Variants in VWA8 observed in about 807,000 individuals in gnomAD.
VWA8 encodes the protein von Willebrand factor A domain containing 8.
Under a neutral mutation model 241.5 loss-of-function variants are expected in VWA8, and 221 were observed. The ratio of observed to expected loss-of-function variants is 0.91; its 90% confidence interval spans 0.82 to 1.02. The LOEUF is 1.02. Ranked by LOEUF, VWA8 falls within the 50% of genes least tolerant of loss-of-function variation. VWA8 has a pLI of 0.00. For synonymous variants in VWA8, 852 were observed against 827.1 expected (o/e 1.03, Z -0.52); for missense variants, 2,322 against 2,328.7 (o/e 1.00, Z 0.06).
chr13:41,629,124 G>A (rs2044711432), intron 37 of VWA8, among the ~76,000 whole-genome samples: 1 of 152,114 alleles, frequency 6.6e-6, no homozygotes, highest in Non-Finnish European at 1.5e-5. Context: ...GTGGAGGTTA[G>A]GAGATGAAGA....
At chr13:41,779,673 G>A (rs770387887) in intron 19 of VWA8, among the ~76,000 whole-genome samples, 33 of 152,186 alleles carry the variant, frequency 2.2e-4, no homozygotes, top group Non-Finnish European at 3.5e-4. Flanking sequence ...TTTTCACTAA[G>A]ATGAAAAGTC....
Position 41,937,301 on chromosome 13 carries a change from A to G in VWA8, c.241+12635T>C, listed in dbSNP as rs1877394983. ...TTACATTGCAATATATAATTAAATAATTATACAACTCACCATAATGTAGAA... is the reference window on the plus strand; with the variant it reads ...TTACATTGCAATATATAATTAAATAGTTATACAACTCACCATAATGTAGAA... On this transcript the variant is annotated intron_variant, in intron 2 of 44. Coordinates refer to ENST00000379310, the MANE Select transcript of VWA8 (RefSeq NM_015058.2). Among the ~76,000 whole-genome samples, 5 of 152,204 alleles carry G rather than the reference A, an allele frequency of 3.3e-5. No homozygotes were observed. In the South Asian group the frequency reaches 1.0e-3, roughly 32 times the overall value.
In VWA8 at chr13:41,743,491, C is replaced by T. The variant is rs538217174; in HGVS notation, c.2427-11336G>A. On this transcript the variant is annotated intron_variant, in intron 21 of 44. Transcript: ENST00000379310. ...TAATGTGAAAGGTTGGCTATTACTT[C>T]GCTTACAGATCAAATCTGCATTGGG... 7.4e-4 allele frequency among the ~76,000 whole-genome samples: 113 copies of T among 152,286 alleles called. 2 individuals are homozygous for T. Among genetic ancestry groups the T allele is most frequent in the African/African-American group, 2.7e-3 (111 of 41,570 alleles).
At chr13:41,576,061 C>T (rs951915520) in intron 42 of VWA8, among the ~76,000 whole-genome samples, 1 of 152,164 alleles carries the variant, frequency 6.6e-6, no homozygotes. Flanking sequence ...CAAGTGCAAC[C>T]TTTTCACAGA....
chr13:41,865,599 G>A, intron 12 of VWA8, 137 bp downstream of exon 12: 1 of 868,820 alleles, frequency 1.2e-6, no homozygotes, highest in Non-Finnish European at 1.7e-6. Context: ...ACTTTAATTT[G>A]AATAATTTTA....
intron 10 of VWA8, among the ~76,000 whole-genome samples, chr13:41,868,078 A>G (rs1304137423): frequency 1.3e-5 from 2 of 152,214 alleles, no homozygotes; most frequent in African/African-American, 4.8e-5. Flanking sequence ...CCAAGGACTC[A>G]TAGCACAAAA....
intron 40 of VWA8, among the ~76,000 whole-genome samples, chr13:41,596,016 C>A (rs1339430517): frequency 6.6e-6 from 1 of 152,036 alleles, no homozygotes; most frequent in African/African-American, 2.4e-5. Context: ...ATTTTTTTAG[C>A]CATTCTTTTG....
chr13:41,764,877 T>A (rs1039500325), intron 20 of VWA8, among the ~76,000 whole-genome samples: 32 of 152,230 alleles, frequency 2.1e-4, no homozygotes, highest in Admixed American at 9.8e-4. Flanking sequence ...ACGATCAGAT[T>A]TTCAGTTTTA....
In VWA8 at chr13:41,885,926, T is replaced by C. The variant is rs1177660906; in HGVS notation, c.969A>G (p.Gln323=). The change falls in exon 8 of 45, where the codon CAA becomes CAG. Residue 323 remains glutamine (Q), a synonymous_variant. Transcript: ENST00000379310. The part of the protein sequence containing the change: ...FPLDSLAAAV[Q]ILDSFPMMPI... ...ATTAATTTATTTTACTTACCAAGAT[T>C]TGAACCGCAGCTGCTAAACTATCTA... 6.3e-7 allele frequency: 1 copy of C among 1,578,180 alleles called. No individual in the cohort carries two copies. The highest frequency in any genetic ancestry group is 8.6e-7 in the Non-Finnish European group (1 of 1,168,852).
intron 12 of VWA8, among the ~76,000 whole-genome samples, chr13:41,850,321 T>C (rs1872476272): frequency 6.6e-6 from 1 of 152,196 alleles, no homozygotes; most frequent in Admixed American, 6.5e-5. Flanking sequence ...AGGAGCCAAG[T>C]ACATACTATA....
intron 12 of VWA8, among the ~76,000 whole-genome samples, chr13:41,861,082 G>A (rs1412478898): frequency 6.6e-6 from 1 of 151,920 alleles, no homozygotes; most frequent in Non-Finnish European, 1.5e-5. Flanking sequence ...TCAAAGCAAT[G>A]GCACATGAAA....
intron 14 of VWA8, among the ~76,000 whole-genome samples, chr13:41,822,602 G>C (rs1321862702): frequency 6.6e-6 from 1 of 152,108 alleles, no homozygotes; most frequent in East Asian, 1.9e-4. Flanking sequence ...ACAAACAAAG[G>C]TAAGTAATAA....
chr13:41,680,228 C>T (rs1278563305), intron 35 of VWA8, among the ~76,000 whole-genome samples: 1 of 152,028 alleles, frequency 6.6e-6, no homozygotes, highest in Non-Finnish European at 1.5e-5. Context: ...TTATTTAGTA[C>T]AAATTTATTC....
chr13:41,800,910 A>C (rs1869928367), intron 17 of VWA8, among the ~76,000 whole-genome samples: 1 of 152,146 alleles, frequency 6.6e-6, no homozygotes, highest in South Asian at 2.1e-4. Context: ...TGTCTTAAAA[A>C]TCTATCCTAG....
At chr13:41,784,709 T>TATATATATAC (rs1869075820) in intron 18 of VWA8, among the ~76,000 whole-genome samples, 1 of 60,248 alleles carries the variant, frequency 1.7e-5, no homozygotes, top group Non-Finnish European at 3.7e-5. Context: ...TATATATATA[T>TATATATATAC]ATATATATAT....
intron 19 of VWA8, among the ~76,000 whole-genome samples, chr13:41,781,639 C>T (rs1218773364): frequency 6.6e-6 from 1 of 152,124 alleles, no homozygotes; most frequent in Non-Finnish European, 1.5e-5. Context: ...ACTCCTTAGG[C>T]TTATTAAGAG....
At chr13:41,671,251 A>G in intron 36 of VWA8, 104 bp from the exon 37 acceptor site, 1 of 1,243,232 alleles carries the variant, frequency 8.0e-7, no homozygotes, top group Non-Finnish European at 1.1e-6. Flanking sequence ...GTATGCTCAC[A>G]CTACTCATTA....
rs758887293 is a variant in VWA8 at position 41,611,668 on chromosome 13, C to T, written c.4785G>A (p.Thr1595=). The change falls in exon 39 of 45, where the codon ACG becomes ACA. Residue 1595 remains threonine, a synonymous_variant. Coordinates refer to ENST00000379310, the MANE Select transcript of VWA8 (RefSeq NM_015058.2). ...TCTCAGCCTGAGAGACCTGGTACAC[C>T]GTATGGCCTGCATCCAGCCGGTAAG... ...GGPYRLDAGH[T]VYQVSQAEKD... The T allele has an allele frequency of 1.3e-5, 21 of 1,613,958 alleles. No homozygotes were observed. The highest frequency in any genetic ancestry group is 8.3e-5 in the Admixed American group (5 of 60,000).
At chr13:41,754,251 A>G (rs5000856) in intron 21 of VWA8, among the ~76,000 whole-genome samples, 146,797 of 152,180 alleles carry the variant, frequency 0.96, 71,041 homozygotes, top group East Asian at 1. Flanking sequence ...TTCCTGTGCT[A>G]TTCTCGTGAT....
Sources: allele counts gnomAD v4.1 joint callset (sites outside exome capture counted in the v4.1 genomes callset), GRCh38; gene constraint gnomAD v4.1.1; transcripts MANE v1.5; gene names NCBI Gene and HGNC (gene_info 2026-07-23, HGNC 2026-07-21).